The following NRXN3 variants were observed in gnomAD, a reference collection of about 807,000 sequenced individuals.
NRXN3 encodes the protein neurexin 3, also known as neurexin III.
A neutral mutation model predicts 137.6 loss-of-function variants in NRXN3; 32 were observed. The ratio of observed to expected loss-of-function variants is 0.23; its 90% confidence interval spans 0.18 to 0.31. NRXN3 has a LOEUF of 0.31. Ranked by LOEUF, NRXN3 falls within the 10% of genes least tolerant of loss-of-function variation. NRXN3 has a pLI of 1.00. For missense variants in NRXN3, 1,574 were observed against 2,062.5 expected (o/e 0.76, Z 4.59); for synonymous variants, 798 against 784.5 (o/e 1.02, Z -0.29).
intron 19 of NRXN3, among the ~76,000 whole-genome samples, chr14:79,774,340 A>G (rs2082489512): frequency 6.6e-6 from 1 of 152,158 alleles, no homozygotes; most frequent in Admixed American, 6.6e-5. Flanking sequence ...AGAAAGAGCA[A>G]GTCAATGGTA....
chr14:78,725,697 C>A (rs2098479889), intron 8 of NRXN3, among the ~76,000 whole-genome samples: 1 of 152,136 alleles, frequency 6.6e-6, no homozygotes, highest in Non-Finnish European at 1.5e-5. Flanking sequence ...GGGGGTGACT[C>A]TTTTATCGGA....
chr14:78,224,095 A>G (rs1272481560), intron 1 of NRXN3, among the ~76,000 whole-genome samples: 1 of 151,794 alleles, frequency 6.6e-6, no homozygotes, highest in Non-Finnish European at 1.5e-5. Context: ...ACTTTGTCTC[A>G]TCACTCCCTC....
At chr14:78,517,665 T>G (rs1209720165) in intron 4 of NRXN3, among the ~76,000 whole-genome samples, 1 of 152,154 alleles carries the variant, frequency 6.6e-6, no homozygotes, top group Non-Finnish European at 1.5e-5. Context: ...GAATTCATTA[T>G]CAAAGTGTAC....
At chr14:79,408,131 G>A (rs1476173027) in intron 15 of NRXN3, among the ~76,000 whole-genome samples, 1 of 152,126 alleles carries the variant, frequency 6.6e-6, no homozygotes, top group Non-Finnish European at 1.5e-5. Flanking sequence ...GGCCCAGTTA[G>A]GGGAGCTCCT....
At chr14:78,976,495 A>G (rs750231852) in intron 14 of NRXN3, among the ~76,000 whole-genome samples, 8 of 152,104 alleles carry the variant, frequency 5.3e-5, no homozygotes, top group Non-Finnish European at 8.8e-5. Context: ...TTAGTCAAAC[A>G]CCTTTAGTTA....
intron 15 of NRXN3, among the ~76,000 whole-genome samples, chr14:79,242,323 C>G (rs2074436455): frequency 6.6e-6 from 1 of 152,010 alleles, no homozygotes; most frequent in Non-Finnish European, 1.5e-5. Context: ...AGTAGGCAAG[C>G]CAGATCTGAG....
intron 20 of NRXN3, chr14:79,823,823 A>AGAT (rs1332995527): frequency 7.4e-5 from 27 of 365,604 alleles, no homozygotes; most frequent in South Asian, 3.9e-4. Flanking sequence ...AGGAATTCAA[A>AGAT]GATGATGATG....
intron 10 of NRXN3, among the ~76,000 whole-genome samples, chr14:78,929,998 T>G (rs1311073904): frequency 1.3e-5 from 2 of 152,188 alleles, no homozygotes; most frequent in Non-Finnish European, 1.5e-5. Flanking sequence ...TAGCTTTTAT[T>G]ATTATTATTA....
chr14:78,444,458 C>G (rs897677962), intron 4 of NRXN3, among the ~76,000 whole-genome samples: 2 of 152,106 alleles, frequency 1.3e-5, no homozygotes, highest in African/African-American at 4.8e-5. Flanking sequence ...TCATTATCAC[C>G]CCTAGTTGTC....
At chr14:79,001,139 C>T (rs1382801205) in intron 15 of NRXN3, among the ~76,000 whole-genome samples, 1 of 152,046 alleles carries the variant, frequency 6.6e-6, no homozygotes, top group African/African-American at 2.4e-5. Context: ...CGGATTCTGC[C>T]GACCGAGGGG....
At chr14:79,593,882 C>G (rs898457068) in intron 16 of NRXN3, among the ~76,000 whole-genome samples, 1 of 152,078 alleles carries the variant, frequency 6.6e-6, no homozygotes, top group Admixed American at 6.6e-5. Context: ...ATTGGGATAG[C>G]GCTGCTGGCC....
intron 16 of NRXN3, among the ~76,000 whole-genome samples, chr14:79,543,244 A>T (rs936104685): frequency 6.6e-6 from 1 of 152,122 alleles, no homozygotes; most frequent in South Asian, 2.1e-4. Context: ...TTCTTCTGTG[A>T]TGTTACTTAT....
chr14:79,506,683 GTCTT>G (rs2096882060), intron 16 of NRXN3, among the ~76,000 whole-genome samples: 1 of 151,116 alleles, frequency 6.6e-6, no homozygotes. Flanking sequence ...TTTCTCCTTA[GTCTT>G]TCTGTTTGAC....
At chr14:79,508,210 T>C (rs1424560894) in intron 16 of NRXN3, among the ~76,000 whole-genome samples, 1 of 151,978 alleles carries the variant, frequency 6.6e-6, no homozygotes, top group Admixed American at 6.6e-5. Context: ...TGAAATAATG[T>C]ACATGAAATA....
intron 19 of NRXN3, among the ~76,000 whole-genome samples, chr14:79,747,489 CTA>C (rs978917914): frequency 1.3e-5 from 2 of 152,016 alleles, no homozygotes; most frequent in Admixed American, 6.6e-5. Context: ...ATTTCCTGCA[CTA>C]TGTTTCCCAA....
intron 6 of NRXN3, among the ~76,000 whole-genome samples, chr14:78,705,528 C>T (rs2098337641): frequency 1.3e-5 from 2 of 152,216 alleles, no homozygotes; most frequent in South Asian, 4.1e-4. Context: ...CAATTCAGGA[C>T]CCTATCCATT....
chr14:79,074,921 A>G (rs2045715707), intron 15 of NRXN3, among the ~76,000 whole-genome samples: 1 of 152,184 alleles, frequency 6.6e-6, no homozygotes, highest in African/African-American at 2.4e-5. Flanking sequence ...CACCCAGAAT[A>G]AGATCAAGTC....
chr14:79,492,024 T>G (rs920742142), intron 16 of NRXN3, among the ~76,000 whole-genome samples: 1 of 152,190 alleles, frequency 6.6e-6, no homozygotes, highest in African/African-American at 2.4e-5. Flanking sequence ...TTCTCGTAGA[T>G]GAATGTCTAT....
At chr14:78,283,620 T>A (rs2074737369) in intron 3 of NRXN3, among the ~76,000 whole-genome samples, 1 of 152,104 alleles carries the variant, frequency 6.6e-6, no homozygotes, top group Non-Finnish European at 1.5e-5. Context: ...GCAATTCTTC[T>A]GCCTCAGCCT....
Sources: allele counts gnomAD v4.1 joint callset (sites outside exome capture counted in the v4.1 genomes callset), GRCh38; gene constraint gnomAD v4.1.1; transcripts MANE v1.5; gene names NCBI Gene and HGNC (gene_info 2026-07-23, HGNC 2026-07-21).